Variants in ARID1B observed in about 807,000 individuals in gnomAD.
ARID1B encodes AT-rich interactive domain-containing protein 1B.
In ARID1B, 30 loss-of-function variants were observed where a neutral mutation model predicts 212.3. That is an observed-to-expected ratio of 0.14 (90% CI 0.11 to 0.19). The LOEUF (loss-of-function observed/expected upper bound fraction) is 0.19, where lower values mean the gene tolerates loss of function less well. Ranked by LOEUF, ARID1B falls within the 10% of genes least tolerant of loss-of-function variation. The pLI is 1.00. For synonymous variants in ARID1B, 1,402 were observed against 1,301.7 expected (o/e 1.08, Z -1.66); for missense variants, 2,891 against 3,204.0 (o/e 0.90, Z 2.36).
intron 2 of ARID1B, among the ~76,000 whole-genome samples, chr6:156,887,481 C>T (rs1469693624): frequency 6.6e-6 from 1 of 152,198 alleles, no homozygotes. Context: ...AGTACATTTT[C>T]TCCCTGAAAA....
chr6:156,927,113 T>C (rs76758075), intron 3 of ARID1B, among the ~76,000 whole-genome samples: 2,205 of 152,302 alleles, frequency 0.014, 54 homozygotes, highest in African/African-American at 0.05. Flanking sequence ...AGTATTCAAA[T>C]TTCCAATAAT....
chr6:157,183,647 A>G, intron 12 of ARID1B, among the ~76,000 whole-genome samples: 1 of 152,166 alleles, frequency 6.6e-6, no homozygotes, highest in East Asian at 1.9e-4. Context: ...CTTGAGTAAG[A>G]GCACCGCACA....
chr6:156,954,503 A>G (rs919652282), intron 4 of ARID1B, among the ~76,000 whole-genome samples: 2 of 152,196 alleles, frequency 1.3e-5, no homozygotes, highest in Non-Finnish European at 2.9e-5. Flanking sequence ...AATAGTTTGT[A>G]TGGTATATAC....
At chr6:156,849,956 G>A (rs536630904) in intron 2 of ARID1B, among the ~76,000 whole-genome samples, 1 of 150,786 alleles carries the variant, frequency 6.6e-6, no homozygotes, top group South Asian at 2.1e-4. Flanking sequence ...TAATACTCCT[G>A]TGGATGTTTT....
intron 4 of ARID1B, among the ~76,000 whole-genome samples, chr6:156,960,352 T>C (rs1794289591): frequency 6.6e-6 from 1 of 152,212 alleles, no homozygotes; most frequent in African/African-American, 2.4e-5. Context: ...TATTGACTCA[T>C]AGTGCATTTC....
intron 2 of ARID1B, among the ~76,000 whole-genome samples, chr6:156,878,331 A>G (rs573317220): frequency 6.6e-6 from 1 of 152,328 alleles, no homozygotes; most frequent in East Asian, 1.9e-4. Flanking sequence ...CAGAATTGCC[A>G]GAAGGGCAGG....
At chr6:157,129,705 A>T (rs757537329) in intron 6 of ARID1B, among the ~76,000 whole-genome samples, 1 of 152,216 alleles carries the variant, frequency 6.6e-6, no homozygotes, top group Non-Finnish European at 1.5e-5. Flanking sequence ...ATGTGATTTT[A>T]TGTGAAATGC....
chr6:156,869,640 G>T (rs914475949), intron 2 of ARID1B, among the ~76,000 whole-genome samples: 15 of 152,184 alleles, frequency 9.9e-5, no homozygotes, highest in African/African-American at 3.6e-4. Context: ...CACCCTTTTA[G>T]TAGACTTGCA....
At chr6:157,059,460 A>C (rs1783201630) in intron 4 of ARID1B, among the ~76,000 whole-genome samples, 1 of 152,234 alleles carries the variant, frequency 6.6e-6, no homozygotes, top group East Asian at 1.9e-4. Flanking sequence ...GCAGAATATG[A>C]GGTTAAAAGA....
rs537634391 is a variant in ARID1B at position 157,014,646 on chromosome 6, A to G, written c.2248-70016A>G. 3.3e-5 allele frequency among the ~76,000 whole-genome samples: 5 copies of G among 152,322 alleles called. No homozygotes were observed. The South Asian group carries it at 8.3e-4, about 25-fold the overall frequency. ...TTTATAGATGTATGACAGAGTTACC[A>G]TGTGCAATAGAGTTTGGGGTGATAC... On this transcript the variant is annotated intron_variant, in intron 4 of 19. Coordinates refer to ENST00000636930, the MANE Select transcript of ARID1B (RefSeq NM_001374828.1).
intron 10 of ARID1B, 147 bp from the exon 11 acceptor site, chr6:157,174,700 G>T: frequency 3.9e-6 from 1 of 259,492 alleles, no homozygotes; most frequent in Non-Finnish European, 6.9e-6. Context: ...GGTTTTGTGT[G>T]TTTGTTTGTA....
chr6:157,028,894 T>C (rs1207969166), intron 4 of ARID1B, among the ~76,000 whole-genome samples: 1 of 152,230 alleles, frequency 6.6e-6, no homozygotes, highest in Non-Finnish European at 1.5e-5. Flanking sequence ...CCAACCTAAA[T>C]TGGAAAGCTC....
At chr6:156,970,786 T>C (rs1776871986) in intron 4 of ARID1B, among the ~76,000 whole-genome samples, 1 of 152,354 alleles carries the variant, frequency 6.6e-6, no homozygotes, top group East Asian at 1.9e-4. Flanking sequence ...GCCCTCTGAA[T>C]GACAGCAGCT....
chr6:157,104,595 C>T (rs922363264), intron 5 of ARID1B, among the ~76,000 whole-genome samples: 1 of 152,158 alleles, frequency 6.6e-6, no homozygotes, highest in African/African-American at 2.4e-5. Flanking sequence ...TCTTTCTATA[C>T]ACAAACAATA....
intron 5 of ARID1B, among the ~76,000 whole-genome samples, chr6:157,105,209 T>A (rs988314485): frequency 1.3e-5 from 2 of 152,186 alleles, no homozygotes; most frequent in African/African-American, 4.8e-5. Flanking sequence ...AAAACATGTA[T>A]GTACTCGAAG....
intron 2 of ARID1B, among the ~76,000 whole-genome samples, chr6:156,836,860 T>C (rs1314472214): frequency 6.6e-6 from 1 of 152,156 alleles, no homozygotes. Context: ...AGACAGGGTT[T>C]TGCCATGTAG....
Position 157,110,791 on chromosome 6 carries a change from G to A in ARID1B, c.2581+230G>A, listed in dbSNP as rs573249926. 72 of 575,770 alleles carry A rather than the reference G, an allele frequency of 1.3e-4. No homozygotes were observed. In the South Asian group the frequency reaches 1.5e-3, roughly 12 times the overall value. The allele number at this position is 575,770 out of a possible 1,614,324, so 35.7% of individuals were successfully genotyped here. ...AAGTACAGTTCAAGGCCCAAAGAAT[G>A]TGTGTGTCCACATAGCACCATGAAG... On this transcript the variant is annotated intron_variant, in intron 6 of 19. Coordinates refer to ENST00000636930, the MANE Select transcript of ARID1B (RefSeq NM_001374828.1).
At chr6:156,917,662 A>T (rs1790466624) in intron 3 of ARID1B, among the ~76,000 whole-genome samples, 1 of 152,222 alleles carries the variant, frequency 6.6e-6, no homozygotes, top group Non-Finnish European at 1.5e-5. Context: ...TTAACAGTCA[A>T]GGTCATTTAG....
intron 6 of ARID1B, among the ~76,000 whole-genome samples, chr6:157,111,699 T>G (rs1292875098): frequency 6.6e-6 from 1 of 152,248 alleles, no homozygotes; most frequent in Non-Finnish European, 1.5e-5. Flanking sequence ...AAGATAGATT[T>G]GCTTTCTCTA....
Sources: allele counts gnomAD v4.1 joint callset (sites outside exome capture counted in the v4.1 genomes callset), GRCh38; gene constraint gnomAD v4.1.1; transcripts MANE v1.5; gene names NCBI Gene and HGNC (gene_info 2026-07-23, HGNC 2026-07-21).